PCDHGA9: variants seen among roughly 807,000 people sequenced by gnomAD.
PCDHGA9 encodes protocadherin gamma subfamily A, 9.
PCDHGA9 carries 37 observed loss-of-function variants against 62.5 expected under a neutral mutation model. That is an observed-to-expected ratio of 0.59 (90% CI 0.46 to 0.78). The LOEUF is 0.78. Among genes scored for constraint, PCDHGA9 ranks in the 30% least tolerant of loss-of-function variants. The pLI is 0.00. For synonymous variants in PCDHGA9, 459 were observed against 484.6 expected (o/e 0.95, Z 0.69); for missense variants, 1,138 against 1,166.2 (o/e 0.98, Z 0.35).
chr5:141,430,832 G>A (rs1398773861), intron 1 of PCDHGA9: 1 of 1,555,686 alleles, frequency 6.4e-7, no homozygotes, highest in South Asian at 1.3e-5. Flanking sequence ...GACTCTGTGG[G>A]AGACCGGATG....
chr5:141,430,914 T>G (rs750607631), intron 1 of PCDHGA9: 1 of 1,607,676 alleles, frequency 6.2e-7, no homozygotes, highest in Non-Finnish European at 8.5e-7. Context: ...TCCAGGGACC[T>G]GGGGCTGGAG....
At position 141,487,946 on chromosome 5, in the gene PCDHGA9, C is replaced by G. The variant is rs187890859; in HGVS notation, c.2425-6861C>G. 7.9e-5 allele frequency among the ~76,000 whole-genome samples: 12 copies of G among 152,298 alleles called. No homozygotes were observed. The highest frequency in any genetic ancestry group is 7.8e-4 in the Admixed American group (12 of 15,304). Reference sequence around the variant, plus strand: ...AGTGCACAGGGTACAGTGCACCAGGCAGTCACTTGGACAAAGGTGGCTGTT... The same window carrying G: ...AGTGCACAGGGTACAGTGCACCAGGGAGTCACTTGGACAAAGGTGGCTGTT... On this transcript the variant is annotated intron_variant, in intron 1 of 3. Transcript: ENST00000573521. The surrounding 1 kb of genome is among the most constrained non-coding windows in gnomAD (Gnocchi z 5.0).
chr5:141,479,469 C>T lies in PCDHGA9; in HGVS notation c.2425-15338C>T, dbSNP rs1218436564. 8 of 152,344 alleles carry T rather than the reference C, an allele frequency of 5.3e-5. No homozygotes were observed. In the East Asian group the frequency reaches 1.5e-3, roughly 29 times the overall value. 9.4% of individuals were successfully genotyped at this position (152,344 alleles called of 1,614,324 possible). On this transcript the variant is annotated intron_variant, in intron 1 of 3. Transcript: ENST00000573521. ...AAGTTCAGCATGAATACAGTGACCT[C>T]TTGGGAGGGCAGGACCATCAGGTTG...
chr5:141,478,509 G>C, intron 1 of PCDHGA9: 1 of 1,611,878 alleles, frequency 6.2e-7, no homozygotes, highest in Non-Finnish European at 8.5e-7. Context: ...GTGTTCTATA[G>C]GCAGGTGTTG....
chr5:141,495,434 G>A (rs1038100521), intron 2 of PCDHGA9, among the ~76,000 whole-genome samples: 2 of 152,196 alleles, frequency 1.3e-5, no homozygotes, highest in Non-Finnish European at 2.9e-5. Flanking sequence ...ACTGTCCTCT[G>A]CCCCTACTTG....
In PCDHGA9 at chr5:141,405,394, C is replaced by A. The variant is rs761584699; in HGVS notation, c.2424+18C>A. 4.4e-6 allele frequency: 7 copies of A among 1,593,014 alleles called. No homozygotes were observed. The highest frequency in any genetic ancestry group is 6.0e-6 in the Non-Finnish European group (7 of 1,169,034). ...TGGTTCCGGTGAGTTCATTTTTTTT[C>A]TTTCTTTCTTTTCTTTTTTTGTTTT... On this transcript the variant is annotated intron_variant, in intron 1 of 3. Transcript: ENST00000573521.
chr5:141,421,338 A>G (rs560707757), intron 1 of PCDHGA9: 2 of 1,613,966 alleles, frequency 1.2e-6, no homozygotes, highest in Non-Finnish European at 1.7e-6. Context: ...ATTCGGTGCC[A>G]GAAGAGACCG....
chr5:141,430,639 A>T, intron 1 of PCDHGA9: 1 of 900,712 alleles, frequency 1.1e-6, no homozygotes. Flanking sequence ...CATCCCTGGG[A>T]GTATGTGGAA....
rs978782104 is a variant in PCDHGA9 at position 141,431,445 on chromosome 5, G to C, written c.2424+26069G>C. 1 of 1,613,742 alleles carries C rather than the reference G, an allele frequency of 6.2e-7. No homozygotes were observed. On this transcript the variant is annotated intron_variant, in intron 1 of 3. Transcript: ENST00000573521. This position sits in a 1 kb window ranked among gnomAD's most constrained non-coding sequence, Gnocchi z 4.8. ...GTGCGCACAGGCACCGCGCGCATCC[G>C]CGTGATGGTTCTGGATGCGAACGAC...
chr5:141,455,593 C>G (rs957677108), intron 1 of PCDHGA9, among the ~76,000 whole-genome samples: 19 of 152,068 alleles, frequency 1.2e-4, no homozygotes, highest in African/African-American at 4.6e-4. Context: ...AATATGCAAA[C>G]GTAGGGCGCC....
intron 1 of PCDHGA9, among the ~76,000 whole-genome samples, chr5:141,444,872 G>T (rs2098449555): frequency 6.6e-6 from 1 of 152,120 alleles, no homozygotes. Context: ...ACAGGACAAA[G>T]CTTGTAGGAT....
intron 1 of PCDHGA9, chr5:141,423,883 A>T (rs1211746978): frequency 1.6e-6 from 2 of 1,283,342 alleles, no homozygotes; most frequent in Admixed American, 7.5e-5. Context: ...CAATCTTGGC[A>T]TATTTTCTTT....
In PCDHGA9 at chr5:141,485,251, C is replaced by T. The variant is rs748522322; in HGVS notation, c.2425-9556C>T. 7 of 1,614,092 alleles carry T rather than the reference C, an allele frequency of 4.3e-6. No individual in the cohort carries two copies. In the South Asian group the frequency reaches 6.6e-5, roughly 15 times the overall value. On this transcript the variant is annotated intron_variant, in intron 1 of 3. Transcript: ENST00000573521. This position sits in a 1 kb window ranked among gnomAD's most constrained non-coding sequence, Gnocchi z 5.7. The stretch of plus-strand genomic sequence containing the variant: ...TGTTCCTCTTTTACCACCTGGGTTA[C>T]GTTTGTGGGCAGATCCGCTACCCGG...
chr5:141,419,334 T>C (rs1260087339), intron 1 of PCDHGA9: 3 of 1,613,870 alleles, frequency 1.9e-6, no homozygotes, highest in Non-Finnish European at 8.5e-7. Flanking sequence ...TACTCTCTCA[T>C]TGCCAGCGAC....
intron 1 of PCDHGA9, chr5:141,427,328 T>G (rs951396612): frequency 1.6e-4 from 74 of 457,122 alleles, no homozygotes; most frequent in Admixed American, 1.2e-3. Context: ...TGGTTTTTAC[T>G]TCAGTGTCCA....
In PCDHGA9 at chr5:141,404,291, G is replaced by C; in HGVS notation, c.1339G>C (p.Asp447His). ...HITLQVTDIN[D>H]NPPAFSQASY... The stretch of plus-strand genomic sequence containing the variant: ...CACCCTGCAAGTGACTGACATCAAT[G>C]ATAATCCACCTGCTTTCTCTCAAGC... Residue 447 changes from aspartate (D) to histidine (H), a missense_variant, in exon 1 of 4, where the codon GAT becomes CAT. By Grantham distance (81) the Asp-to-His change is moderately conservative (BLOSUM62 -1). Coordinates refer to ENST00000573521, the MANE Select transcript of PCDHGA9 (RefSeq NM_018921.3). 6.2e-7 allele frequency: 1 copy of C among 1,613,956 alleles called. No individual in the cohort carries two copies. Among genetic ancestry groups the C allele is most frequent in the Non-Finnish European group, 8.5e-7 (1 of 1,179,876 alleles).
chr5:141,408,973 T>C (rs754120948), intron 1 of PCDHGA9: 8 of 1,613,718 alleles, frequency 5.0e-6, no homozygotes, highest in South Asian at 1.1e-5. Context: ...ATCTGCCCCC[T>C]GGGTCCCCTG....
rs369851570 is a variant in PCDHGA9, at chr5:141,408,393, G to T, written c.2424+3017G>T. 1.7e-5 allele frequency: 28 copies of T among 1,613,918 alleles called. No individual in the cohort carries two copies. In the Admixed American group the frequency reaches 2.2e-4, roughly 12 times the overall value. On this transcript the variant is annotated intron_variant, in intron 1 of 3. Coordinates refer to ENST00000573521, the MANE Select transcript of PCDHGA9 (RefSeq NM_018921.3). Reference sequence around the variant, plus strand: ...CTCAGTGTCCTGGATGTGTCGGCTCGCAAGCTGCGAGTGAGCGCGGAGAAG... The same window carrying T: ...CTCAGTGTCCTGGATGTGTCGGCTCTCAAGCTGCGAGTGAGCGCGGAGAAG...
chr5:141,464,290 A>AC (rs1287070540), intron 1 of PCDHGA9, among the ~76,000 whole-genome samples: 1 of 149,916 alleles, frequency 6.7e-6, no homozygotes, highest in Non-Finnish European at 1.5e-5. Context: ...AAAAAAAAAA[A>AC]CTCCATTGTA....
Sources: gnomAD v4.1 joint callset for allele counts (sites outside exome capture counted in the v4.1 genomes callset) on GRCh38, gnomAD v4.1.1 for gene constraint, Gnocchi (gnomAD v3.1) non-coding constraint, MANE v1.5 for transcripts, NCBI Gene and HGNC (gene_info 2026-07-23, HGNC 2026-07-21) for gene names.